Variants in MAGEB5 observed in about 807,000 individuals in gnomAD.
The protein encoded by MAGEB5 is melanoma-associated antigen B5.
For missense variants in MAGEB5, 189 were observed against 197.1 expected (o/e 0.96, Z 0.25); for synonymous variants, 70 against 75.0 (o/e 0.93, Z 0.34).
At position 26,217,558 on chromosome X, in the gene MAGEB5, C is replaced by T; in HGVS notation, c.257C>T (p.Ser86Phe). 1.7e-6 allele frequency: 2 copies of T among 1,167,154 alleles called. No individual in the cohort carries two copies. Among genetic ancestry groups the T allele is most frequent in the Non-Finnish European group, 2.3e-6 (2 of 873,103 alleles). ...TTTGCTGAGATTCACAGAAGAGCTT[C>T]TGAGCACATTGAGGTTGTCTTTGCA... ...NQFAEIHRRA[S>F]EHIEVVFAVD... The change falls in exon 2 of 2, where the codon TCT becomes TTT. Residue 86 changes from serine (S) to phenylalanine (F), a missense_variant. Physicochemically the swap from Ser to Phe is radical, Grantham distance 155. Coordinates refer to ENST00000602297, the MANE Select transcript of MAGEB5 (RefSeq NM_001271752.1).
chrX:26,216,663 C>A lies in MAGEB5; in HGVS notation c.-217-422C>A, dbSNP rs548080914. On this transcript the variant is annotated intron_variant, in intron 1 of 1. Transcript: ENST00000602297. ...AGACAGCAGTGATAAGCTGAGGACCCCCTTCACATCCTTCTTATGGGTCCC... is the reference window on the plus strand; with the variant it reads ...AGACAGCAGTGATAAGCTGAGGACCACCTTCACATCCTTCTTATGGGTCCC... 9.8e-5 allele frequency among the ~76,000 whole-genome samples: 11 copies of A among 112,045 alleles called. No individual in the cohort carries two copies. The South Asian group carries it at 4.1e-3, about 42-fold the overall frequency.
chrX:26,217,886 T>C lies in MAGEB5; in HGVS notation c.585T>C (p.Ser195=). The part of the protein sequence containing the change: ...TYLEYHQVPC[S]YPAHYQFLWG... The stretch of plus-strand genomic sequence containing the variant: ...TGGAGTACCACCAGGTGCCCTGCAG[T>C]TATCCTGCACACTATCAATTCCTTT... The change falls in exon 2 of 2, where the codon AGT becomes AGC. Residue 195 remains serine, a synonymous_variant. Transcript: ENST00000602297. The C allele has an allele frequency of 8.3e-7, 1 of 1,199,847 alleles. No individual in the cohort carries two copies. The highest frequency in any genetic ancestry group is 1.1e-6 in the Non-Finnish European group (1 of 888,953).
chrX:26,218,170 C>A lies in MAGEB5; in HGVS notation c.*41C>A. ...TCATCCAGTCAAGCAAATATAACAT[C>A]ACCAAAAGGGATTTTTTTTGGAAAT... On this transcript the variant is annotated 3_prime_UTR_variant, in exon 2 of 2. Coordinates refer to ENST00000602297, the MANE Select transcript of MAGEB5 (RefSeq NM_001271752.1). 1 of 903,908 alleles carries A rather than the reference C, an allele frequency of 1.1e-6. No individual in the cohort carries two copies. The highest frequency in any genetic ancestry group is 3.9e-4 in the Middle Eastern group (1 of 2,537). The allele number at this position is 903,908 out of a possible 1,213,427, so 74.5% of individuals were successfully genotyped here.
rs1276076063 is a variant in MAGEB5 at position 26,217,645 on chromosome X, TC to T, written c.348del (p.Asn117ThrfsTer18). On this transcript the variant is annotated frameshift_variant, in exon 2 of 2. Transcript: ENST00000602297. LOFTEE classifies it low-confidence loss of function (END_TRUNC). ...HLYDLVSKLK[L>X]PNNGRIHVGK... is the part of the protein sequence containing the mutation. ...TATGACCTTGTCAGCAAGCTGAAAC[TC>T]CCCAACAATGGGAGGATTCATGTTG... 3 of 1,164,317 alleles carry T rather than the reference TC, an allele frequency of 2.6e-6. No homozygotes were observed. Among genetic ancestry groups the T allele is most frequent in the African/African-American group, 3.6e-5 (2 of 55,599 alleles).
Position 26,217,233 on chromosome X carries a change from G to C in MAGEB5, c.-69G>C, listed in dbSNP as rs758038967. ...CCCCACTTCCTCTCCTATTCTTGGG[G>C]ATATTCCCCAGAGCTCATCTGCTGC... On this transcript the variant is annotated 5_prime_UTR_variant, in exon 2 of 2. Transcript: ENST00000602297. 5.1e-6 allele frequency: 4 copies of C among 782,638 alleles called. No homozygotes were observed. The East Asian group carries it at 1.1e-4, about 21-fold the overall frequency. The allele number at this position is 782,638 out of a possible 1,213,427, so 64.5% of individuals were successfully genotyped here.
chrX:26,217,002 A>C lies in MAGEB5; in HGVS notation c.-217-83A>C, dbSNP rs1173892221. Reference sequence around the variant, plus strand: ...GGTAGAATTTCCACGTTGAAGGTGCACAGACCCTCTCAATCTTCCTCCTCC... The same window carrying C: ...GGTAGAATTTCCACGTTGAAGGTGCCCAGACCCTCTCAATCTTCCTCCTCC... On this transcript the variant is annotated intron_variant, in intron 1 of 1. Coordinates refer to ENST00000602297, the MANE Select transcript of MAGEB5 (RefSeq NM_001271752.1). 7.0e-6 allele frequency: 2 copies of C among 284,899 alleles called. 1 individual carries two copies. Among genetic ancestry groups the C allele is most frequent in the Non-Finnish European group, 1.2e-5 (2 of 163,435 alleles). The allele number at this position is 284,899 out of a possible 1,213,427, so 23.5% of individuals were successfully genotyped here. A position where few individuals can be genotyped will look rare whatever the true frequency, so the allele number is the denominator to read the frequency against.
chrX:26,217,278 C>T lies in MAGEB5; in HGVS notation c.-24C>T. ...TGCTGCTGAGTCAAGTGGCACTTCC[C>T]AGGAGCCTTGCGAATCCAGCACCAT... On this transcript the variant is annotated 5_prime_UTR_variant, in exon 2 of 2. Coordinates refer to ENST00000602297, the MANE Select transcript of MAGEB5 (RefSeq NM_001271752.1). 9.1e-7 allele frequency: 1 copy of T among 1,099,389 alleles called. No individual in the cohort carries two copies. The highest frequency in any genetic ancestry group is 1.2e-6 in the Non-Finnish European group (1 of 831,208). The allele number at this position is 1,099,389 out of a possible 1,213,427, so 90.6% of individuals were successfully genotyped here.
At position 26,217,871 on chromosome X, in the gene MAGEB5, C is replaced by T. The variant is rs773313635; in HGVS notation, c.570C>T (p.His190=). 13 of 1,194,533 alleles carry T rather than the reference C, an allele frequency of 1.1e-5. No individual in the cohort carries two copies. Among genetic ancestry groups the T allele is most frequent in the Non-Finnish European group, 1.4e-5 (12 of 886,525 alleles). ...TGAGGCTAACGTACCTGGAGTACCA[C>T]CAGGTGCCCTGCAGTTATCCTGCAC... ...DFVRLTYLEY[H]QVPCSYPAHY... Residue 190 remains histidine, a synonymous_variant, in exon 2 of 2, where the codon CAC becomes CAT. Coordinates refer to ENST00000602297, the MANE Select transcript of MAGEB5 (RefSeq NM_001271752.1).
intron 1 of MAGEB5, 97 bp from the exon 2 acceptor site, chrX:26,216,988 C>T: frequency 4.1e-6 from 1 of 244,699 alleles, no homozygotes; most frequent in African/African-American, 2.8e-5. Flanking sequence ...GTAGAATTTC[C>T]ACGTTGAAGG....
Position 26,218,034 on chromosome X carries a change from G to A in MAGEB5, c.733G>A (p.Glu245Lys). 1.7e-6 allele frequency: 2 copies of A among 1,177,118 alleles called. No individual in the cohort carries two copies. Among genetic ancestry groups the A allele is most frequent in the Non-Finnish European group, 2.3e-6 (2 of 878,296 alleles). ...TGAAGAGGCTTTGCAAGATGAGGAA[G>A]AGAGCCCAAGCCAGAGATGCAGCCG... ...QYEEALQDEEESPSQRCSRNW... is the reference protein window; with the variant it reads ...QYEEALQDEEKSPSQRCSRNW... Residue 245 changes from glutamate to lysine, a missense_variant, in exon 2 of 2, where the codon GAG becomes AAG. Coordinates refer to ENST00000602297, the MANE Select transcript of MAGEB5 (RefSeq NM_001271752.1).
In MAGEB5 at chrX:26,217,582, C is replaced by A. The variant is rs773154006; in HGVS notation, c.281C>A (p.Ala94Glu). 3.8e-5 allele frequency: 44 copies of A among 1,165,311 alleles called. No individual in the cohort carries two copies. In the African/African-American group the frequency reaches 5.6e-4, roughly 15 times the overall value. The part of the protein sequence containing the change: ...RASEHIEVVF[A>E]VDLKEVNPTC... ...TCTGAGCACATTGAGGTTGTCTTTG[C>A]AGTTGACTTGAAGGAAGTCAACCCA... Residue 94 changes from alanine (A) to glutamate (E), a missense_variant, in exon 2 of 2, where the codon GCA (alanine) becomes GAA (glutamate). Physicochemically the swap from Ala to Glu is moderately radical, Grantham distance 107. Coordinates refer to ENST00000602297, the MANE Select transcript of MAGEB5 (RefSeq NM_001271752.1).
intron 1 of MAGEB5, among the ~76,000 whole-genome samples, chrX:26,216,800 G>A (rs2146888969): frequency 8.9e-6 from 1 of 112,026 alleles, no homozygotes; most frequent in South Asian, 3.8e-4. Context: ...AAGACTGGCA[G>A]CCACTATGTC....
At position 26,217,687 on chromosome X, in the gene MAGEB5, A is replaced by G. The variant is rs1288992877; in HGVS notation, c.386A>G (p.Lys129Arg). The change falls in exon 2 of 2, where the codon AAG becomes AGG. Residue 129 changes from lysine to arginine, a missense_variant. Physicochemically the swap from Lys to Arg is conservative, Grantham distance 26 (BLOSUM62 2). Transcript: ENST00000602297. ...GRIHVGKVLP[K>R]TGLLMTFLVV... The stretch of plus-strand genomic sequence containing the variant: ...ATTCATGTTGGCAAAGTGTTACCCA[A>G]GACTGGTCTCCTCATGACTTTCCTG... 3 of 1,166,763 alleles carry G rather than the reference A, an allele frequency of 2.6e-6. No individual in the cohort carries two copies. Among genetic ancestry groups the G allele is most frequent in the Non-Finnish European group, 3.4e-6 (3 of 872,861 alleles).
rs754636509 is a variant in MAGEB5, at chrX:26,217,867, A to G, written c.566A>G (p.Tyr189Cys). 1 of 1,190,535 alleles carries G rather than the reference A, an allele frequency of 8.4e-7. No homozygotes were observed. The highest frequency in any genetic ancestry group is 1.1e-6 in the Non-Finnish European group (1 of 884,736). The change falls in exon 2 of 2, where the codon TAC becomes TGC. Residue 189 changes from tyrosine (Y) to cysteine (C), a missense_variant. Transcript: ENST00000602297. ...QDFVRLTYLE[Y>C]HQVPCSYPAH... ...TTCGTGAGGCTAACGTACCTGGAGT[A>G]CCACCAGGTGCCCTGCAGTTATCCT...
Position 26,218,093 on chromosome X carries a change from C to T in MAGEB5, c.792C>T (p.Leu264=). The T allele has an allele frequency of 8.6e-7, 1 of 1,161,407 alleles. No individual in the cohort carries two copies. Among genetic ancestry groups the T allele is most frequent in the Non-Finnish European group, 1.1e-6 (1 of 869,676 alleles). ...ACTACTGCAGTGGCCAAGACTGTCT[C>T]AGGGCGAAGTTCAGCAGCTTCTCTC... is the stretch of plus-strand genomic sequence containing the variant. ...NWHYCSGQDC[L]RAKFSSFSQP... Residue 264 remains leucine, a synonymous_variant, in exon 2 of 2, where the codon CTC becomes CTT. Transcript: ENST00000602297.
chrX:26,217,354 G>C lies in MAGEB5; in HGVS notation c.53G>C (p.Arg18Thr). ...GGATCTGACGAAAGGGCTAACAGTA[G>C]AGATGAGGAGTACCCATGTTCCTCA... ...NAGSDERANS[R>T]DEEYPCSSEV... The change falls in exon 2 of 2, where the codon AGA (arginine) becomes ACA (threonine). Residue 18 changes from arginine (R) to threonine (T), a missense_variant. Transcript: ENST00000602297. 1 of 1,164,493 alleles carries C rather than the reference G, an allele frequency of 8.6e-7. No homozygotes were observed. The highest frequency in any genetic ancestry group is 1.1e-6 in the Non-Finnish European group (1 of 872,202).
chrX:26,218,055 A>C lies in MAGEB5; in HGVS notation c.754A>C (p.Ser252Arg). 1 of 1,170,945 alleles carries C rather than the reference A, an allele frequency of 8.5e-7. No individual in the cohort carries two copies. Among genetic ancestry groups the C allele is most frequent in the Admixed American group, 2.6e-5 (1 of 39,100 alleles). Residue 252 changes from serine (S) to arginine (R), a missense_variant, in exon 2 of 2, where the codon AGC becomes CGC. Physicochemically the swap from Ser to Arg is moderately radical, Grantham distance 110. Coordinates refer to ENST00000602297, the MANE Select transcript of MAGEB5 (RefSeq NM_001271752.1). ...DEEESPSQRC[S>R]RNWHYCSGQD... is the part of the protein sequence containing the mutation. ...GGAAGAGAGCCCAAGCCAGAGATGC[A>C]GCCGAAACTGGCACTACTGCAGTGG...
At position 26,218,131 on chromosome X, in the gene MAGEB5, G is replaced by C. The variant is rs965742974; in HGVS notation, c.*2G>C. The stretch of plus-strand genomic sequence containing the variant: ...AGCAGCTTCTCTCAACCCTATTGAA[G>C]TCTGAAGCTTTTTTCATCCAGTCAA... On this transcript the variant is annotated 3_prime_UTR_variant, in exon 2 of 2. Transcript: ENST00000602297. 9.1e-7 allele frequency: 1 copy of C among 1,097,510 alleles called. No homozygotes were observed. The highest frequency in any genetic ancestry group is 1.9e-5 in the African/African-American group (1 of 53,270). 90.4% of individuals were successfully genotyped at this position (1,097,510 alleles called of 1,213,427 possible).
chrX:26,216,691 G>T (rs1291703948), intron 1 of MAGEB5, among the ~76,000 whole-genome samples: 1 of 111,958 alleles, frequency 8.9e-6, no homozygotes, highest in Non-Finnish European at 1.9e-5. Flanking sequence ...TGGGTCCCAG[G>T]GAGGTTTGTA....
Sources: gnomAD v4.1 joint callset for allele counts (sites outside exome capture counted in the v4.1 genomes callset) on GRCh38, gnomAD v4.1.1 for gene constraint, MANE v1.5 for transcripts, NCBI Gene and HGNC (gene_info 2026-07-23, HGNC 2026-07-21) for gene names.